NCKAP1L: variants seen among roughly 807,000 people sequenced by gnomAD.
NCKAP1L encodes the protein NCK associated protein 1 like, also known as nck-associated protein 1-like.
A neutral mutation model predicts 139.2 loss-of-function variants in NCKAP1L; 53 were observed. The observed-to-expected ratio is 0.38, with a 90% CI of 0.31 to 0.48. The LOEUF (loss-of-function observed/expected upper bound fraction) is 0.48. NCKAP1L is among the 20% of genes least tolerant of loss of function. The pLI is 0.98. For synonymous variants in NCKAP1L, 468 were observed against 499.7 expected (o/e 0.94, Z 0.85); for missense variants, 1,151 against 1,381.9 (o/e 0.83, Z 2.65).
At position 54,531,290 on chromosome 12, in the gene NCKAP1L, C is replaced by T. The variant is rs1468346142; in HGVS notation, c.2537C>T (p.Pro846Leu). ...EMRALAELLG[P>L]YGMKFLSENL... is the part of the protein sequence containing the mutation. ...CGGGCCTTGGCAGAACTCCTGGGCC[C>T]CTATGGCATGAAGTTCCTGAGTGAA... The change falls in exon 23 of 31, where the codon CCC becomes CTC. Residue 846 changes from proline (P) to leucine (L), a missense_variant. Pro to Leu is a moderately conservative substitution (Grantham distance 98). Transcript: ENST00000293373. 1 of 1,614,150 alleles carries T rather than the reference C, an allele frequency of 6.2e-7. No homozygotes were observed. Among genetic ancestry groups the T allele is most frequent in the Admixed American group, 1.7e-5 (1 of 60,016 alleles).
At chr12:54,515,394 T>A (rs17113007) in intron 9 of NCKAP1L, among the ~76,000 whole-genome samples, 5 of 152,170 alleles carry the variant, frequency 3.3e-5, no homozygotes, top group African/African-American at 4.8e-5. Context: ...TCTAAGATAA[T>A]GCTGGGATTC....
intron 15 of NCKAP1L, 48 bp from the exon 16 acceptor site, chr12:54,519,139 T>G (rs1267261918): frequency 6.4e-7 from 1 of 1,555,726 alleles, no homozygotes; most frequent in Admixed American, 2.1e-5. Flanking sequence ...CTGGGGGCCT[T>G]TTTCATTCAT....
chr12:54,525,954 G>T (rs1290778205), intron 20 of NCKAP1L, among the ~76,000 whole-genome samples: 1 of 152,064 alleles, frequency 6.6e-6, no homozygotes, highest in Non-Finnish European at 1.5e-5. Flanking sequence ...ATATAGTGTG[G>T]ATAGTTATTC....
At position 54,536,157 on chromosome 12, in the gene NCKAP1L, G is replaced by A; in HGVS notation, c.2985G>A (p.Lys995=). ...CTTCATCTCCTGAGGAGGAATATAA[G>A]GTGGCCTGCCTGCTCTTGATCTTTC... ...ADTSSPEEEY[K]VACLLLIFLA... The change falls in exon 28 of 31, where the codon AAG becomes AAA. Residue 995 remains lysine, a synonymous_variant. Transcript: ENST00000293373. 6.2e-7 allele frequency: 1 copy of A among 1,613,336 alleles called. No individual in the cohort carries two copies. Among genetic ancestry groups the A allele is most frequent in the Admixed American group, 1.7e-5 (1 of 60,010 alleles).
At chr12:54,528,412 T>C (rs762368066) in intron 22 of NCKAP1L, 35 bp downstream of exon 22, 1 of 1,605,750 alleles carries the variant, frequency 6.2e-7, no homozygotes, top group South Asian at 1.1e-5. Flanking sequence ...GTCAAGGAGC[T>C]GAGCCCTTCC....
chr12:54,512,349 AT>A, intron 9 of NCKAP1L: 1 of 356,486 alleles, frequency 2.8e-6, no homozygotes, highest in South Asian at 3.8e-5. Context: ...TTGGGTTTGA[AT>A]TCAGGCTCTA....
At chr12:54,535,517 T>C (rs1171880129) in intron 27 of NCKAP1L, among the ~76,000 whole-genome samples, 1 of 152,134 alleles carries the variant, frequency 6.6e-6, no homozygotes, top group African/African-American at 2.4e-5. Context: ...GAAAATAAAT[T>C]AATGCAAATG....
chr12:54,498,399 T>TTGTGTGTGTGTGTGTGTGTG (rs766272206), intron 1 of NCKAP1L, among the ~76,000 whole-genome samples: 64 of 142,388 alleles, frequency 4.5e-4, no homozygotes, highest in African/African-American at 1.2e-3. Flanking sequence ...GCTGTGGTGG[T>TTGTGTGTGTGTGTGTGTGTG]TGTGTGTGTG....
chr12:54,541,622 A>C (rs1957158693), intron 30 of NCKAP1L, among the ~76,000 whole-genome samples: 1 of 152,156 alleles, frequency 6.6e-6, no homozygotes, highest in African/African-American at 2.4e-5. Context: ...TGTGTTTGAG[A>C]ATAGGAAAAT....
intron 25 of NCKAP1L, 127 bp from the exon 26 acceptor site, chr12:54,532,043 G>A: frequency 1.2e-6 from 1 of 808,624 alleles, no homozygotes; most frequent in Non-Finnish European, 1.9e-6. Context: ...GAGAGGGATG[G>A]CTTGGAAAGC....
At chr12:54,523,205 T>C (rs1006849835) in intron 18 of NCKAP1L, among the ~76,000 whole-genome samples, 189 bp from the exon 19 acceptor site, 5 of 152,222 alleles carry the variant, frequency 3.3e-5, no homozygotes, top group African/African-American at 4.8e-5. Context: ...GAGATATTTA[T>C]GAAAACTGAA....
chr12:54,507,838 C>A lies in NCKAP1L; in HGVS notation c.307-15C>A. On this transcript the variant is annotated splice_polypyrimidine_tract_variant and intron_variant, in intron 3 of 30. Transcript: ENST00000293373. ...TTGATTTTTTATTAATTCTTGTCTTCACTTCCACCCCCAGGATCATGTATA... is the reference window on the plus strand; with the variant it reads ...TTGATTTTTTATTAATTCTTGTCTTAACTTCCACCCCCAGGATCATGTATA... 6.2e-7 allele frequency: 1 copy of A among 1,612,314 alleles called. No homozygotes were observed. The highest frequency in any genetic ancestry group is 1.1e-5 in the South Asian group (1 of 91,032).
chr12:54,517,042 T>C (rs756250526), intron 11 of NCKAP1L, 50 bp downstream of exon 11: 1 of 1,527,186 alleles, frequency 6.5e-7, no homozygotes, highest in South Asian at 1.1e-5. Flanking sequence ...GATAAGAGAC[T>C]GTGTAGCTAC....
chr12:54,535,487 G>C (rs936148494), intron 27 of NCKAP1L, among the ~76,000 whole-genome samples: 2 of 152,158 alleles, frequency 1.3e-5, no homozygotes, highest in Non-Finnish European at 2.9e-5. Flanking sequence ...AGTGCTCAAA[G>C]CCATTTACAA....
chr12:54,536,470 G>A, intron 28 of NCKAP1L: 1 of 421,928 alleles, frequency 2.4e-6, no homozygotes, highest in Non-Finnish European at 4.4e-6. Flanking sequence ...TTCCAGACCA[G>A]CCTAGGCAAC....
rs143161034 is a variant in NCKAP1L at position 54,512,049 on chromosome 12, T to A, written c.885T>A (p.Arg295=). The A allele has an allele frequency of 4.4e-5, 71 of 1,614,134 alleles. 1 individual carries two copies. The Middle Eastern group carries it at 9.9e-4, about 23-fold the overall frequency. The change falls in exon 9 of 31, where the codon CGT becomes CGA. Residue 295 remains arginine (R), a synonymous_variant. Transcript: ENST00000293373. ...GCTCCCTCTACATCACCCTTATCCGTGAGGATGTGCTGCAGGTGCACAAAG... is the reference window on the plus strand; with the variant it reads ...GCTCCCTCTACATCACCCTTATCCGAGAGGATGTGCTGCAGGTGCACAAAG... ...LQGSLYITLI[R]EDVLQVHKVT...
At chr12:54,533,456 C>T (rs954444525) in intron 26 of NCKAP1L, among the ~76,000 whole-genome samples, 1 of 152,140 alleles carries the variant, frequency 6.6e-6, no homozygotes, top group African/African-American at 2.4e-5. Context: ...GGCCGTGGTT[C>T]CACAAACGGT....
intron 19 of NCKAP1L, 120 bp downstream of exon 19, chr12:54,523,659 G>C: frequency 6.9e-7 from 1 of 1,450,192 alleles, no homozygotes; most frequent in Non-Finnish European, 9.3e-7. Context: ...GAGGGGCATG[G>C]AAAAGCACTT....
chr12:54,517,916 T>C lies in NCKAP1L; in HGVS notation c.1316T>C (p.Leu439Pro). The C allele has an allele frequency of 6.2e-7, 1 of 1,614,168 alleles. No homozygotes were observed. The highest frequency in any genetic ancestry group is 8.5e-7 in the Non-Finnish European group (1 of 1,180,026). Residue 439 changes from leucine to proline, a missense_variant, in exon 13 of 31, where the codon CTT becomes CCT. Transcript: ENST00000293373. ...HLQYLARFDA[L>P]VLSDIIQNLS... is the part of the protein sequence containing the mutation. ...CAGTACTTGGCAAGATTTGATGCTC[T>C]TGTGCTCAGTGACATCATTCAGGTA...
Sources: allele counts gnomAD v4.1 joint callset (sites outside exome capture counted in the v4.1 genomes callset), GRCh38; gene constraint gnomAD v4.1.1; transcripts MANE v1.5; gene names NCBI Gene and HGNC (gene_info 2026-07-23, HGNC 2026-07-21).